ZNRF1: variants seen among roughly 807,000 people sequenced by gnomAD.
ZNRF1 encodes E3 ubiquitin-protein ligase ZNRF1.
A neutral mutation model predicts 18.4 loss-of-function variants in ZNRF1; 3 were observed. That is an observed-to-expected ratio of 0.16 (90% CI 0.07 to 0.42). The LOEUF (loss-of-function observed/expected upper bound fraction) is 0.42, where lower values mean the gene tolerates loss of function less well. Ranked by LOEUF, ZNRF1 falls within the 10% of genes least tolerant of loss-of-function variation. The pLI, the probability that ZNRF1 is intolerant of heterozygous loss-of-function variation, is 0.99. For missense variants in ZNRF1, 310 were observed against 329.8 expected, an observed-to-expected ratio of 0.94 and a Z score of 0.47; for synonymous variants, 157 against 144.2, an observed-to-expected ratio of 1.09 and a Z score of -0.64.
chr16:75,041,064 T>A (rs1386031454), intron 1 of ZNRF1, among the ~76,000 whole-genome samples: 1 of 152,232 alleles, frequency 6.6e-6, no homozygotes, highest in Non-Finnish European at 1.5e-5. Context: ...TGTTTCTAGC[T>A]TAAGACAATT....
At position 75,108,162 on chromosome 16, in the gene ZNRF1, G is replaced by A. The variant is rs972954634; in HGVS notation, c.*462G>A. 6 of 185,548 alleles carry A rather than the reference G, an allele frequency of 3.2e-5. No homozygotes were observed. The highest frequency in any genetic ancestry group is 1.1e-4 in the Admixed American group (2 of 18,036). 11.5% of individuals were successfully genotyped at this position (185,548 alleles called of 1,614,324 possible). Reference sequence around the variant, plus strand: ...CCTTCTGACGGCGGGCGAGCACACGGTCTCTTCCCCTGCCCCAACTGGCCC... The same window carrying A: ...CCTTCTGACGGCGGGCGAGCACACGATCTCTTCCCCTGCCCCAACTGGCCC... On this transcript the variant is annotated 3_prime_UTR_variant, in exon 5 of 5. Transcript: ENST00000335325.
intron 1 of ZNRF1, among the ~76,000 whole-genome samples, chr16:75,030,429 G>A (rs1205796761): frequency 2.7e-5 from 4 of 150,510 alleles, no homozygotes; most frequent in African/African-American, 9.8e-5. Flanking sequence ...GCAGTAGCTG[G>A]AGGAAAAAAA....
In ZNRF1 at chr16:75,033,437, G is replaced by GT. The variant is rs55813752; in HGVS notation, c.424+33362dup. On this transcript the variant is annotated intron_variant, in intron 1 of 4. Coordinates refer to ENST00000335325, the MANE Select transcript of ZNRF1 (RefSeq NM_032268.5). ...TAATTTTTCTCATCAGTGTTTTATA[G>GT]TTTTTTTTTTTTTTTTTTTTGAGAC... 1.4e-3 allele frequency among the ~76,000 whole-genome samples: 135 copies of GT among 98,126 alleles called. 3 individuals are homozygous for GT. Among genetic ancestry groups the GT allele is most frequent in the African/African-American group, 3.9e-3 (106 of 27,426 alleles). 64.4% of individuals were successfully genotyped at this position (98,126 alleles called of 152,430 possible).
At chr16:75,004,170 G>T (rs2034888980) in intron 1 of ZNRF1, among the ~76,000 whole-genome samples, 1 of 152,098 alleles carries the variant, frequency 6.6e-6, no homozygotes, top group African/African-American at 2.4e-5. Context: ...TTACAGCTGT[G>T]CTAGCTGTAG....
intron 2 of ZNRF1, chr16:75,095,872 A>AC: frequency 1.1e-6 from 1 of 899,786 alleles, no homozygotes; most frequent in Non-Finnish European, 1.5e-6. Context: ...ACACCCCACC[A>AC]CCGGCAGCCT....
chr16:75,107,453 G>C, intron 4 of ZNRF1: 1 of 291,550 alleles, frequency 3.4e-6, no homozygotes, highest in South Asian at 2.7e-5. Flanking sequence ...TAAACTCCCA[G>C]AACAGCTGAT....
At chr16:75,011,161 G>A (rs529844017) in intron 1 of ZNRF1, among the ~76,000 whole-genome samples, 4 of 152,160 alleles carry the variant, frequency 2.6e-5, no homozygotes, top group African/African-American at 9.7e-5. Context: ...TGTGGAGAAG[G>A]TGCCTTTTTT....
chr16:75,006,381 C>T (rs2034917271), intron 1 of ZNRF1, among the ~76,000 whole-genome samples: 1 of 152,124 alleles, frequency 6.6e-6, no homozygotes, highest in African/African-American at 2.4e-5. Flanking sequence ...GGTTGTGGTT[C>T]TAGAATCTTG....
intron 1 of ZNRF1, among the ~76,000 whole-genome samples, chr16:75,065,060 G>A (rs904062682): frequency 3.3e-5 from 5 of 152,308 alleles, no homozygotes; most frequent in East Asian, 3.9e-4. Flanking sequence ...TCAGCAACTC[G>A]TGTGCTTTCA....
At chr16:75,087,675 G>C (rs369213084) in intron 1 of ZNRF1, among the ~76,000 whole-genome samples, 1 of 152,150 alleles carries the variant, frequency 6.6e-6, no homozygotes, top group African/African-American at 2.4e-5. Flanking sequence ...TCTGTCATTC[G>C]TTCCTTCCTC....
chr16:75,071,378 C>T (rs559377531), intron 1 of ZNRF1, among the ~76,000 whole-genome samples: 40 of 152,124 alleles, frequency 2.6e-4, no homozygotes, highest in Non-Finnish European at 4.9e-4. Flanking sequence ...GTGTGAACCA[C>T]CGTACCTGGC....
At chr16:75,043,789 A>ATTTTTTT (rs1396416845) in intron 1 of ZNRF1, among the ~76,000 whole-genome samples, 1 of 18,694 alleles carries the variant, frequency 5.3e-5, no homozygotes, top group Non-Finnish European at 1.8e-4. Flanking sequence ...CTTGCTTTGT[A>ATTTTTTT]CTTTTTTTTT....
intron 1 of ZNRF1, among the ~76,000 whole-genome samples, chr16:75,036,742 G>T (rs375636133): frequency 6.6e-6 from 1 of 151,858 alleles, no homozygotes; most frequent in African/African-American, 2.4e-5. Context: ...GTGATAACTG[G>T]GTAAAGATTT....
chr16:75,022,807 C>T (rs980228510), intron 1 of ZNRF1, among the ~76,000 whole-genome samples: 12 of 152,114 alleles, frequency 7.9e-5, no homozygotes, highest in Admixed American at 4.6e-4. Flanking sequence ...CAGAGAGAAT[C>T]GGTAAATGTG....
chr16:75,064,108 G>A (rs972634794), intron 1 of ZNRF1, among the ~76,000 whole-genome samples: 3 of 152,050 alleles, frequency 2.0e-5, no homozygotes, highest in Non-Finnish European at 2.9e-5. Flanking sequence ...AGACCAGCCT[G>A]GGGAACATGG....
At chr16:75,014,533 A>G (rs933553472) in intron 1 of ZNRF1, among the ~76,000 whole-genome samples, 5 of 152,198 alleles carry the variant, frequency 3.3e-5, no homozygotes, top group Admixed American at 6.5e-5. Context: ...TTATTGATCT[A>G]TTGATCTATT....
At chr16:75,012,064 C>T (rs527941367) in intron 1 of ZNRF1, among the ~76,000 whole-genome samples, 1 of 152,262 alleles carries the variant, frequency 6.6e-6, no homozygotes, top group East Asian at 1.9e-4. Flanking sequence ...TTTTTGGTAG[C>T]TGTTGGGGGA....
chr16:75,103,754 A>G (rs2036279361), intron 2 of ZNRF1, among the ~76,000 whole-genome samples: 1 of 152,220 alleles, frequency 6.6e-6, no homozygotes, highest in South Asian at 2.1e-4. Context: ...TGGGAGGCCA[A>G]GGTGGGTGGA....
At chr16:75,078,015 C>T (rs1023913477) in intron 1 of ZNRF1, among the ~76,000 whole-genome samples, 5 of 152,162 alleles carry the variant, frequency 3.3e-5, no homozygotes, top group African/African-American at 7.2e-5. Flanking sequence ...TCTGGGGATT[C>T]GGAGGTGGAC....
Sources: gnomAD v4.1 joint callset for allele counts (sites outside exome capture counted in the v4.1 genomes callset) on GRCh38, gnomAD v4.1.1 for gene constraint, MANE v1.5 for transcripts, NCBI Gene and HGNC (gene_info 2026-07-23, HGNC 2026-07-21) for gene names.